Variants in ZSCAN12 observed in about 807,000 individuals in gnomAD.
ZSCAN12 encodes the protein zinc finger and SCAN domain-containing protein 12.
ZSCAN12 carries 18 observed loss-of-function variants against 23.4 expected under a neutral mutation model. That is an observed-to-expected ratio of 0.77 (90% confidence interval 0.53 to 1.14). The LOEUF is 1.14. Ranked by LOEUF, ZSCAN12 falls within the 50% of genes most tolerant of loss-of-function variation. The probability of loss-of-function intolerance (pLI) is 0.00; values close to 1 mark genes in which losing one functional copy is unlikely to be tolerated. For missense variants in ZSCAN12, 650 were observed against 735.0 expected, an observed-to-expected ratio of 0.88 and a Z score of 1.34; for synonymous variants, 186 against 253.4, an observed-to-expected ratio of 0.73 and a Z score of 2.53.
chr6:28,381,178 A>C (rs1019305816), downstream of ZSCAN12: 2 of 152,236 alleles, frequency 1.3e-5, no homozygotes, highest in Non-Finnish European at 2.9e-5. Context: ...GTTTGAATCC[A>C]AAGCTGAGAA....
At position 28,388,254 on chromosome 6, in the gene ZSCAN12, C is replaced by T. The variant is rs1423114179; in HGVS notation, c.*2200G>A. ...ATGAAAAAAGCCTAACTAAGCAGTC[C>T]TCAACTTATGAGTAAGTTGTTTTTC... is the stretch of plus-strand genomic sequence containing the variant. On this transcript the variant is annotated 3_prime_UTR_variant, in exon 4 of 4. Transcript: ENST00000684592. Among the ~76,000 whole-genome samples the T allele has an allele frequency of 2.0e-5, 3 of 152,130 alleles. No homozygotes were observed. The highest frequency in any genetic ancestry group is 7.2e-5 in the African/African-American group (3 of 41,404).
Position 28,386,246 on chromosome 6 carries a change from A to G in ZSCAN12, c.*4208T>C, listed in dbSNP as rs1321211842. 1.3e-5 allele frequency among the ~76,000 whole-genome samples: 2 copies of G among 152,194 alleles called. No individual in the cohort carries two copies. The highest frequency in any genetic ancestry group is 2.4e-5 in the African/African-American group (1 of 41,450). ...TTAATGTCTTGTTTACCTTGAATCA[A>G]TTAGAAAAGACAAGCCAGTCAATCT... On this transcript the variant is annotated 3_prime_UTR_variant, in exon 4 of 4. Transcript: ENST00000684592.
In ZSCAN12 at chr6:28,386,880, A is replaced by G. The variant is rs946935455; in HGVS notation, c.*3574T>C. ...GTCTTGCTCTGTCACCAGGCGGGAG[A>G]GCAGTGGTGCCATCTCAGCTCACTG... On this transcript the variant is annotated 3_prime_UTR_variant, in exon 4 of 4. Coordinates refer to ENST00000684592, the MANE Select transcript of ZSCAN12 (RefSeq NM_001163391.2). Among the ~76,000 whole-genome samples, 2 of 152,142 alleles carry G rather than the reference A, an allele frequency of 1.3e-5. No individual in the cohort carries two copies. Among genetic ancestry groups the G allele is most frequent in the Non-Finnish European group, 2.9e-5 (2 of 68,028 alleles).
chr6:28,393,990 T>C (rs1274146764), intron 2 of ZSCAN12, among the ~76,000 whole-genome samples: 1 of 152,140 alleles, frequency 6.6e-6, no homozygotes, highest in East Asian at 1.9e-4. Context: ...ATTTCTTCTA[T>C]CTTAGGATGA....
Position 28,391,409 on chromosome 6 carries a change from C to T in ZSCAN12, c.881G>A (p.Arg294Lys), listed in dbSNP as rs2232430. 117,618 of 1,551,586 alleles carry T rather than the reference C, an allele frequency of 0.076. 5,193 individuals carry two copies. The highest frequency in any genetic ancestry group is 0.22 in the East Asian group (8,825 of 40,898). ...SQHSHLIEHQ[R>K]IHTGDRPYKC... Reference sequence around the variant, plus strand: ...GTAGGGTCTATCTCCAGTATGGATCCTCTGATGTTCTATGAGGTGTGAGTG... The same window carrying T: ...GTAGGGTCTATCTCCAGTATGGATCTTCTGATGTTCTATGAGGTGTGAGTG... The change falls in exon 4 of 4, where the codon AGG becomes AAG. Residue 294 changes from arginine to lysine, a missense_variant. Coordinates refer to ENST00000684592, the MANE Select transcript of ZSCAN12 (RefSeq NM_001163391.2). This position sits in a 1 kb window ranked among gnomAD's most constrained non-coding sequence, Gnocchi z 4.1.
rs944964264 is a variant in ZSCAN12, at chr6:28,387,932, C to A, written c.*2522G>T. ...GTACTTTAGGACAGTAGTCTACCATCGTCTCAGTTTGCTGGCTCTCCGAAT... is the reference window on the plus strand; with the variant it reads ...GTACTTTAGGACAGTAGTCTACCATAGTCTCAGTTTGCTGGCTCTCCGAAT... On this transcript the variant is annotated 3_prime_UTR_variant, in exon 4 of 4. Transcript: ENST00000684592. Among the ~76,000 whole-genome samples, 1 of 152,162 alleles carries A rather than the reference C, an allele frequency of 6.6e-6. No homozygotes were observed. Among genetic ancestry groups the A allele is most frequent in the Non-Finnish European group, 1.5e-5 (1 of 68,026 alleles).
At position 28,398,265 on chromosome 6, in the gene ZSCAN12, C is replaced by T. The variant is rs1761223223; in HGVS notation, c.141G>A (p.Gln47=). 6.2e-7 allele frequency: 1 copy of T among 1,612,018 alleles called. No individual in the cohort carries two copies. Residue 47 remains glutamine, a synonymous_variant, in exon 2 of 4, where the codon CAG becomes CAA. Coordinates refer to ENST00000684592, the MANE Select transcript of ZSCAN12 (RefSeq NM_001163391.2). ...CCTGGTAGCAGAACTGTCTGAAGTA[C>T]TGACGGAAGACCTCTCTGCTATGGG... ...NNTHSREVFR[Q]YFRQFCYQET...
chr6:28,393,489 A>G, intron 2 of ZSCAN12, among the ~76,000 whole-genome samples: 1 of 147,114 alleles, frequency 6.8e-6, no homozygotes. Context: ...AAAAAAAAAA[A>G]GGCACCCTTG....
Sources: allele counts gnomAD v4.1 joint callset (sites outside exome capture counted in the v4.1 genomes callset), GRCh38; gene constraint gnomAD v4.1.1; non-coding constraint Gnocchi (gnomAD v3.1); transcripts MANE v1.5; gene names NCBI Gene and HGNC (gene_info 2026-07-23, HGNC 2026-07-21).